Variants in NRAP observed in about 807,000 individuals in gnomAD.
NRAP encodes nebulin related anchoring protein, also known as nebulin-related-anchoring protein.
Under a neutral mutation model 225.9 loss-of-function variants are expected in NRAP, and 189 were observed. The observed-to-expected ratio is 0.84, with a 90% CI of 0.74 to 0.94. NRAP has a LOEUF of 0.94. Among genes scored for constraint, NRAP ranks in the 40% least tolerant of loss-of-function variants. The pLI, the probability that NRAP is intolerant of heterozygous loss-of-function variation, is 0.00. For missense variants in NRAP, 2,176 were observed against 2,168.7 expected, an observed-to-expected ratio of 1.00 and a Z score of -0.07; for synonymous variants, 769 against 790.7, an observed-to-expected ratio of 0.97 and a Z score of 0.46.
At chr10:113,616,716 C>A (rs768561166) in intron 26 of NRAP, among the ~76,000 whole-genome samples, 1 of 152,144 alleles carries the variant, frequency 6.6e-6, no homozygotes, top group African/African-American at 2.4e-5. Flanking sequence ...AAGCTATGCC[C>A]CCAAGGTTTG....
chr10:113,631,135 G>A (rs1283612348), intron 18 of NRAP, among the ~76,000 whole-genome samples: 3 of 152,160 alleles, frequency 2.0e-5, no homozygotes, highest in African/African-American at 7.2e-5. Context: ...CAATAAGCAG[G>A]ACGCTTTTGG....
Position 113,628,933 on chromosome 10 carries a change from C to T in NRAP, c.2129G>A (p.Gly710Glu), listed in dbSNP as rs1848427181. The T allele has an allele frequency of 2.5e-6, 4 of 1,608,596 alleles. No individual in the cohort carries two copies. Among genetic ancestry groups the T allele is most frequent in the Non-Finnish European group, 1.7e-6 (2 of 1,176,778 alleles). Residue 710 changes from glycine (G) to glutamate (E), a missense_variant, in exon 20 of 42, where the codon GGA becomes GAA. Physicochemically the swap from Gly to Glu is moderately conservative, Grantham distance 98. This residue lies in a region of NRAP where 1,708 missense variants were observed against 1,695.5 expected (regional missense o/e 1.01). Coordinates refer to ENST00000359988, the MANE Select transcript of NRAP (RefSeq NM_198060.4). ...SLNLEQAKKA[G>E]QLVSEKNYRQ... ...GCAGGTTACCTCGCTGACCAGCTGT[C>T]CAGCCTTCTTGGCTTGTTCCAAGTT...
intron 18 of NRAP, among the ~76,000 whole-genome samples, chr10:113,631,299 T>G (rs1264355919): frequency 2.0e-5 from 3 of 152,180 alleles, no homozygotes; most frequent in African/African-American, 7.2e-5. Context: ...GCTGTCACCC[T>G]TAGGGCCACA....
At chr10:113,648,467 C>CTCTCTCTATATATATATATATATATA (rs749486311) in intron 9 of NRAP, among the ~76,000 whole-genome samples, 1 of 87,360 alleles carries the variant, frequency 1.1e-5, no homozygotes, top group Non-Finnish European at 2.2e-5. Flanking sequence ...CTCTCTCTCT[C>CTCTCTCTATATATATATATATATATA]TATATATATA....
At chr10:113,658,331 A>C (rs1276745947) in intron 3 of NRAP, among the ~76,000 whole-genome samples, 1 of 152,154 alleles carries the variant, frequency 6.6e-6, no homozygotes, top group African/African-American at 2.4e-5. Flanking sequence ...GCTATTTTAG[A>C]AGCTTTGTGT....
rs2286734 is a variant in NRAP at position 113,629,689 on chromosome 10, C to T, written c.1939G>A (p.Ala647Thr). 122 of 1,613,850 alleles carry T rather than the reference C, an allele frequency of 7.6e-5. 1 individual carries two copies. The South Asian group carries it at 8.3e-4, about 11-fold the overall frequency. Residue 647 changes from alanine (A) to threonine (T), a missense_variant, in exon 19 of 42, where the codon GCC becomes ACC. Coordinates refer to ENST00000359988, the MANE Select transcript of NRAP (RefSeq NM_198060.4). The part of the protein sequence containing the change: ...IRHAKKAQTL[A>T]SDLDYRKKLH... ...TTCTTCCTGTAGTCCAGGTCACTGG[C>T]GAGAGTTTGGGCCTTCTTAGCATGC...
chr10:113,652,093 G>T (rs915653772), intron 6 of NRAP, among the ~76,000 whole-genome samples, 186 bp from the exon 7 acceptor site: 48 of 152,190 alleles, frequency 3.2e-4, no homozygotes, highest in African/African-American at 1.1e-3. Flanking sequence ...AAGTCCAGGA[G>T]TGTGCCAGGG....
intron 24 of NRAP, among the ~76,000 whole-genome samples, chr10:113,621,395 C>T (rs190002191): frequency 6.6e-5 from 10 of 152,182 alleles, no homozygotes; most frequent in African/African-American, 2.2e-4. Flanking sequence ...AGTTCACCCC[C>T]ATTCTTGTGC....
chr10:113,598,359 A>G (rs914162146), intron 35 of NRAP, among the ~76,000 whole-genome samples: 2 of 150,916 alleles, frequency 1.3e-5, no homozygotes, highest in African/African-American at 4.9e-5. Flanking sequence ...TCGCATAAAG[A>G]AAGAGCTGAG....
rs760661336 is a variant in NRAP, at chr10:113,588,946, G to T, written c.*29C>A. ...TCTCTGGTGAACAAACTTCCTCTCT[G>T]GCCTCTCAGGAATCAGGGTGGACAT... On this transcript the variant is annotated 3_prime_UTR_variant, in exon 42 of 42. Coordinates refer to ENST00000359988, the MANE Select transcript of NRAP (RefSeq NM_198060.4). 4 of 1,555,848 alleles carry T rather than the reference G, an allele frequency of 2.6e-6. No homozygotes were observed. The African/African-American group carries it at 4.3e-5, about 17-fold the overall frequency.
At chr10:113,608,387 C>G (rs377059356) in intron 32 of NRAP, 27 bp downstream of exon 32, 141 of 1,430,752 alleles carry the variant, frequency 9.9e-5, no homozygotes, top group Non-Finnish European at 1.4e-4. Flanking sequence ...TTAAAAAGAC[C>G]ATTCCAAAGC....
At position 113,662,774 on chromosome 10, in the gene NRAP, A is replaced by T; in HGVS notation, c.168-8T>A. On this transcript the variant is annotated splice_polypyrimidine_tract_variant and splice_region_variant and intron_variant, in intron 2 of 41. Transcript: ENST00000359988. ...TTGTTCTTAGGGTTATGGCTACAACAAATAGGTATAAATCAAAATTAGAAA... is the reference window on the plus strand; with the variant it reads ...TTGTTCTTAGGGTTATGGCTACAACTAATAGGTATAAATCAAAATTAGAAA... 7.1e-7 allele frequency: 1 copy of T among 1,414,568 alleles called. No individual in the cohort carries two copies. The highest frequency in any genetic ancestry group is 1.2e-5 in the South Asian group (1 of 84,884). The allele number at this position is 1,414,568 out of a possible 1,614,324, so 87.6% of individuals were successfully genotyped here. A position where few individuals can be genotyped will look rare whatever the true frequency, so the allele number is the denominator to read the frequency against.
At chr10:113,634,927 C>T (rs571440981) in intron 14 of NRAP, among the ~76,000 whole-genome samples, 2 of 152,126 alleles carry the variant, frequency 1.3e-5, no homozygotes, top group African/African-American at 2.4e-5. Context: ...CATGTCCCCA[C>T]CCCGTACACC....
intron 16 of NRAP, among the ~76,000 whole-genome samples, chr10:113,632,374 A>G (rs1425839310): frequency 1.8e-4 from 28 of 152,264 alleles, no homozygotes; most frequent in Non-Finnish European, 2.9e-5. Flanking sequence ...TGGGGTATTG[A>G]CATTGCCCTG....
In NRAP at chr10:113,648,467, C is replaced by CTCTATATA. The variant is rs749486311; in HGVS notation, c.889-1441_889-1440insTATATAGA. 5.1e-3 allele frequency among the ~76,000 whole-genome samples: 445 copies of CTCTATATA among 87,342 alleles called. 1 individual carries two copies. The highest frequency in any genetic ancestry group is 0.02 in the East Asian group (58 of 2,952). 57.3% of individuals were successfully genotyped at this position (87,342 alleles called of 152,430 possible). ...TCTCTCTCTCTCTCTCTCTCTCTCT[C>CTCTATATA]TATATATATATATATATATATATGT... On this transcript the variant is annotated intron_variant, in intron 9 of 41. Transcript: ENST00000359988.
rs1311133739 is a variant in NRAP, at chr10:113,605,789, G to A, written c.3888C>T (p.Ala1296=). The A allele has an allele frequency of 6.2e-7, 1 of 1,613,634 alleles. No homozygotes were observed. The highest frequency in any genetic ancestry group is 8.5e-7 in the Non-Finnish European group (1 of 1,179,640). ...LTIEALPFQA[A]RASGDIASDF... ...CACTGGCTATATCTCCAGAGGCCCGGGCAGCCTGGAAGGGGAGCGCTTCTA... is the reference window on the plus strand; with the variant it reads ...CACTGGCTATATCTCCAGAGGCCCGAGCAGCCTGGAAGGGGAGCGCTTCTA... Residue 1296 remains alanine, a synonymous_variant, in exon 34 of 42, where the codon GCC becomes GCT. Transcript: ENST00000359988.
intron 3 of NRAP, among the ~76,000 whole-genome samples, chr10:113,661,512 C>T (rs769924535): frequency 2.0e-5 from 3 of 152,070 alleles, no homozygotes; most frequent in African/African-American, 4.8e-5. Flanking sequence ...AAAGAGGGAT[C>T]ACTAGAGAGT....
intron 9 of NRAP, 68 bp from the exon 10 acceptor site, chr10:113,647,095 G>T: frequency 1.1e-6 from 1 of 942,462 alleles, no homozygotes; most frequent in Non-Finnish European, 1.8e-6. Flanking sequence ...TTCAGCAATG[G>T]TCACTCATAG....
At chr10:113,606,051 G>T in intron 33 of NRAP, 127 bp downstream of exon 33, 1 of 807,370 alleles carries the variant, frequency 1.2e-6, no homozygotes, top group Admixed American at 2.0e-5. Flanking sequence ...TATTTAACAT[G>T]AGCATCTAAG....
Sources: allele counts gnomAD v4.1 joint callset (sites outside exome capture counted in the v4.1 genomes callset), GRCh38; gene constraint gnomAD v4.1.1; regional missense constraint gnomAD v4.1.1; transcripts MANE v1.5; gene names NCBI Gene and HGNC (gene_info 2026-07-23, HGNC 2026-07-21).